The following CDV3 variants were observed in gnomAD, a reference collection of about 807,000 sequenced individuals.
CDV3 encodes protein CDV3 homolog.
CDV3 carries 14 observed loss-of-function variants against 24.5 expected under a neutral mutation model. The ratio of observed to expected loss-of-function variants is 0.57; its 90% confidence interval spans 0.38 to 0.89. The LOEUF (loss-of-function observed/expected upper bound fraction) is 0.89. Ranked by LOEUF, CDV3 falls within the 40% of genes least tolerant of loss-of-function variation. The pLI, the probability that CDV3 is intolerant of heterozygous loss-of-function variation, is 0.00. For synonymous variants in CDV3, 114 were observed against 114.1 expected, an observed-to-expected ratio of 1.00 and a Z score of 0.00; for missense variants, 304 against 310.2, an observed-to-expected ratio of 0.98 and a Z score of 0.15.
At chr3:133,574,751 AG>A in intron 1 of CDV3, 1 of 1,094,134 alleles carries the variant, frequency 9.1e-7, no homozygotes, top group Non-Finnish European at 1.1e-6. Context: ...AGGTTGAAGT[AG>A]AAATGTAGTT....
Position 133,588,192 on chromosome 3 carries a change from TAA to T in CDV3, c.*148_*149del, listed in dbSNP as rs546131167. 2.7e-4 allele frequency: 416 copies of T among 1,531,094 alleles called. 4 individuals carry two copies. In the East Asian group the frequency reaches 9.8e-3, roughly 36 times the overall value. 94.8% of individuals were successfully genotyped at this position (1,531,094 alleles called of 1,614,324 possible). A position where few individuals can be genotyped will look rare whatever the true frequency, so the allele number is the denominator to read the frequency against. On this transcript the variant is annotated 3_prime_UTR_variant, in exon 5 of 5. Coordinates refer to ENST00000264993, the MANE Select transcript of CDV3 (RefSeq NM_017548.5). Reference sequence around the variant, plus strand: ...ACCGGCCCTATTGCACTATGGAAGTTAAAGTGTCACGACTGCTCTATGCATAT... The same window carrying T: ...ACCGGCCCTATTGCACTATGGAAGTTAGTGTCACGACTGCTCTATGCATAT...
intron 2 of CDV3, among the ~76,000 whole-genome samples, chr3:133,577,164 GT>G (rs560690522): frequency 6.6e-6 from 1 of 151,380 alleles, no homozygotes; most frequent in Non-Finnish European, 1.5e-5. Flanking sequence ...CTTTTATATT[GT>G]TTTTTTTGTT....
At chr3:133,583,349 A>C (rs567553971) in intron 2 of CDV3, among the ~76,000 whole-genome samples, 89 of 152,338 alleles carry the variant, frequency 5.8e-4, no homozygotes, top group Middle Eastern at 3.4e-3. Flanking sequence ...GCTCACTAAA[A>C]ATATGCTTAC....
Position 133,588,427 on chromosome 3 carries a change from C to A in CDV3, c.*381C>A. The A allele has an allele frequency of 6.9e-7, 1 of 1,450,380 alleles. No homozygotes were observed. The highest frequency in any genetic ancestry group is 1.2e-5 in the South Asian group (1 of 82,072). The allele number at this position is 1,450,380 out of a possible 1,614,324, so 89.8% of individuals were successfully genotyped here. On this transcript the variant is annotated 3_prime_UTR_variant, in exon 5 of 5. Transcript: ENST00000264993. The stretch of plus-strand genomic sequence containing the variant: ...GTGGACTTCATGTGGATCACAACTT[C>A]TGGATAAGAAGATTACAACTATTAA...
intron 3 of CDV3, among the ~76,000 whole-genome samples, chr3:133,586,203 C>G (rs939936158): frequency 2.6e-5 from 4 of 152,218 alleles, no homozygotes; most frequent in African/African-American, 7.2e-5. Context: ...TCAAGCCATT[C>G]TCCTGCCTCA....
At position 133,585,317 on chromosome 3, in the gene CDV3, G is replaced by C. The variant is rs1231841171; in HGVS notation, c.466+1167G>C. Among the ~76,000 whole-genome samples the C allele has an allele frequency of 2.0e-5, 3 of 152,154 alleles. 1 individual carries two copies. Among genetic ancestry groups the C allele is most frequent in the African/African-American group, 7.2e-5 (3 of 41,434 alleles). ...AGCTTCCCAAAGTGCTGGGATTGCA[G>C]GTGTGAGTCACCACACCCGGTCTTA... On this transcript the variant is annotated intron_variant, in intron 3 of 4. Transcript: ENST00000264993.
intron 2 of CDV3, among the ~76,000 whole-genome samples, chr3:133,580,024 G>C (rs1406315734): frequency 6.6e-6 from 1 of 152,096 alleles, no homozygotes; most frequent in African/African-American, 2.4e-5. Flanking sequence ...ACAACGTGCA[G>C]GTTTGTTACA....
rs1048841534 is a variant in CDV3 at position 133,588,457 on chromosome 3, C to T, written c.*411C>T. The T allele has an allele frequency of 1.8e-5, 23 of 1,246,534 alleles. 1 individual carries two copies. The highest frequency in any genetic ancestry group is 1.8e-4 in the Middle Eastern group (1 of 5,458). The allele number at this position is 1,246,534 out of a possible 1,614,324, so 77.2% of individuals were successfully genotyped here. A position where few individuals can be genotyped will look rare whatever the true frequency, so the allele number is the denominator to read the frequency against. On this transcript the variant is annotated 3_prime_UTR_variant, in exon 5 of 5. Transcript: ENST00000264993. ...TAAGAAGATTACAACTATTAAGTGTCGATGTGAACCTTGCAACCAGCTCTA... is the reference window on the plus strand; with the variant it reads ...TAAGAAGATTACAACTATTAAGTGTTGATGTGAACCTTGCAACCAGCTCTA...
At chr3:133,576,876 T>C (rs2074835740) in intron 2 of CDV3, among the ~76,000 whole-genome samples, 1 of 130,130 alleles carries the variant, frequency 7.7e-6, no homozygotes, top group Non-Finnish European at 1.6e-5. Context: ...AGACGAAGTT[T>C]CCCTCTTGTT....
chr3:133,587,423 G>A, intron 4 of CDV3: 4 of 1,177,142 alleles, frequency 3.4e-6, no homozygotes, highest in South Asian at 4.1e-5. Context: ...ACCTTGGGAG[G>A]GCAGTGATTC....
chr3:133,577,952 A>G (rs2074879348), intron 2 of CDV3, among the ~76,000 whole-genome samples: 1 of 151,988 alleles, frequency 6.6e-6, no homozygotes, highest in Non-Finnish European at 1.5e-5. Context: ...TTTGAGTTAG[A>G]TCCTTGGTTG....
intron 2 of CDV3, among the ~76,000 whole-genome samples, chr3:133,575,672 C>G (rs1576633642): frequency 6.6e-6 from 1 of 152,146 alleles, no homozygotes; most frequent in African/African-American, 2.4e-5. Context: ...AACCACTATT[C>G]TAACACCATA....
chr3:133,579,614 A>G (rs907380378), intron 2 of CDV3, among the ~76,000 whole-genome samples: 3 of 150,326 alleles, frequency 2.0e-5, no homozygotes, highest in Admixed American at 2.0e-4. Context: ...TTTTTTTGAT[A>G]GAGTTTTTGC....
At chr3:133,583,212 C>G (rs1405205032) in intron 2 of CDV3, among the ~76,000 whole-genome samples, 1 of 152,178 alleles carries the variant, frequency 6.6e-6, no homozygotes, top group African/African-American at 2.4e-5. Flanking sequence ...GGGGCTAATT[C>G]TATCCTCTGT....
At chr3:133,583,555 A>G (rs1688029592) in intron 2 of CDV3, among the ~76,000 whole-genome samples, 1 of 152,084 alleles carries the variant, frequency 6.6e-6, no homozygotes, top group African/African-American at 2.4e-5. Context: ...ACAGAGGCAC[A>G]TCAGGTTTTT....
chr3:133,588,314 C>G lies in CDV3; in HGVS notation c.*268C>G. ...CTCTGCAAATACAAAAAACCAAAAC[C>G]TGCAGCCAGTGGTCATTTCAAAATC... On this transcript the variant is annotated 3_prime_UTR_variant, in exon 5 of 5. Coordinates refer to ENST00000264993, the MANE Select transcript of CDV3 (RefSeq NM_017548.5). 1 of 1,536,990 alleles carries G rather than the reference C, an allele frequency of 6.5e-7. No individual in the cohort carries two copies. Among genetic ancestry groups the G allele is most frequent in the Non-Finnish European group, 8.7e-7 (1 of 1,146,810 alleles).
chr3:133,587,388 C>G, intron 4 of CDV3: 1 of 1,214,020 alleles, frequency 8.2e-7, no homozygotes, highest in Non-Finnish European at 1.0e-6. Flanking sequence ...TGCTCCTCTG[C>G]TCTGTCTTAA....
In CDV3 at chr3:133,587,112, A is replaced by C. The variant is rs539273421; in HGVS notation, c.626+390A>C. 3.2e-5 allele frequency: 31 copies of C among 979,642 alleles called. No individual in the cohort carries two copies. The African/African-American group carries it at 5.2e-4, about 16-fold the overall frequency. The allele number at this position is 979,642 out of a possible 1,614,324, so 60.7% of individuals were successfully genotyped here. A position where few individuals can be genotyped will look rare whatever the true frequency, so the allele number is the denominator to read the frequency against. On this transcript the variant is annotated intron_variant, in intron 4 of 4. Transcript: ENST00000264993. ...TCCCAGTTAATGTGACTATAGACAG[A>C]AGATGTTGGCATTTATAAATCTAAT...
chr3:133,588,109 TTCA>T lies in CDV3; in HGVS notation c.*69_*71del, dbSNP rs915583477. 3.3e-5 allele frequency: 52 copies of T among 1,584,368 alleles called. No individual in the cohort carries two copies. The African/African-American group carries it at 6.4e-4, about 19-fold the overall frequency. On this transcript the variant is annotated 3_prime_UTR_variant, in exon 5 of 5. Transcript: ENST00000264993. ...TGCAGCTAACCACCACCAACAGCCA[TTCA>T]TCATCTGATCTCTGCTGGATCTACA...
Sources: allele counts gnomAD v4.1 joint callset (sites outside exome capture counted in the v4.1 genomes callset), GRCh38; gene constraint gnomAD v4.1.1; transcripts MANE v1.5; gene names NCBI Gene and HGNC (gene_info 2026-07-23, HGNC 2026-07-21).